ZNF727: variants seen among roughly 807,000 people sequenced by gnomAD.
ZNF727 encodes putative zinc finger protein 727.
A neutral mutation model predicts 11.5 loss-of-function variants in ZNF727; 11 were observed. The observed-to-expected ratio is 0.95, with a 90% CI of 0.60 to 1.58. The LOEUF is 1.58. ZNF727 is among the 40% of genes most tolerant of loss of function. ZNF727 has a pLI of 0.00. For missense variants in ZNF727, 533 were observed against 581.7 expected (o/e 0.92, Z 0.86); for synonymous variants, 171 against 196.1 (o/e 0.87, Z 1.07).
In ZNF727 at chr7:64,079,890, G is replaced by A. The variant is rs948763037; in HGVS notation, c.*1341G>A. ...CCTCAGCATTTGCTTATCTGAATAC[G>A]ATCATATTTATTTTTTGCTTCTGAA... On this transcript the variant is annotated 3_prime_UTR_variant, in exon 4 of 4. Coordinates refer to ENST00000456806, the MANE Select transcript of ZNF727 (RefSeq NM_001159522.3). 2.0e-5 allele frequency among the ~76,000 whole-genome samples: 3 copies of A among 152,104 alleles called. No individual in the cohort carries two copies. The highest frequency in any genetic ancestry group is 4.4e-5 in the Non-Finnish European group (3 of 68,024).
At chr7:64,063,511 A>G (rs1584147827) in intron 1 of ZNF727, among the ~76,000 whole-genome samples, 3 of 152,096 alleles carry the variant, frequency 2.0e-5, no homozygotes, top group East Asian at 3.9e-4. Context: ...AGCTGCCTGG[A>G]GCTGGAGTGG....
chr7:64,081,363 A>G lies in ZNF727; in HGVS notation c.*2814A>G, dbSNP rs1584160663. Among the ~76,000 whole-genome samples the G allele has an allele frequency of 1.3e-5, 2 of 151,928 alleles. No individual in the cohort carries two copies. The highest frequency in any genetic ancestry group is 2.4e-5 in the African/African-American group (1 of 41,360). Reference sequence around the variant, plus strand: ...CCAGGGTGGGGCTTTCTGGCTCTCTACCCGCCAAAGCTTCATCTACAATAG... The same window carrying G: ...CCAGGGTGGGGCTTTCTGGCTCTCTGCCCGCCAAAGCTTCATCTACAATAG... On this transcript the variant is annotated 3_prime_UTR_variant, in exon 4 of 4. Transcript: ENST00000456806.
At chr7:64,052,979 G>A (rs192270861) in intron 1 of ZNF727, among the ~76,000 whole-genome samples, 3 of 152,316 alleles carry the variant, frequency 2.0e-5, no homozygotes, top group South Asian at 4.1e-4. Context: ...TAACTAACTT[G>A]CTTTTTGATT....
intron 1 of ZNF727, among the ~76,000 whole-genome samples, chr7:64,046,016 A>T (rs1789498565): frequency 1.3e-5 from 2 of 151,794 alleles, no homozygotes; most frequent in Admixed American, 1.3e-4. Flanking sequence ...ATTGTGGCTT[A>T]TTTTATTTAT....
In ZNF727 at chr7:64,078,573, A is replaced by G. The variant is rs759031228; in HGVS notation, c.*24A>G. 5 of 1,553,156 alleles carry G rather than the reference A, an allele frequency of 3.2e-6. No individual in the cohort carries two copies. In the Admixed American group the frequency reaches 7.8e-5, roughly 24 times the overall value. On this transcript the variant is annotated 3_prime_UTR_variant, in exon 4 of 4. Coordinates refer to ENST00000456806, the MANE Select transcript of ZNF727 (RefSeq NM_001159522.3). ...AATTCATACTGGAGATAAACCTTAC[A>G]AATGTAATGAATGTGGAAAAGCTTT...
Position 64,078,783 on chromosome 7 carries a change from C to A in ZNF727, c.*234C>A, listed in dbSNP as rs1785736916. Among the ~76,000 whole-genome samples, 1 of 151,956 alleles carries A rather than the reference C, an allele frequency of 6.6e-6. No individual in the cohort carries two copies. Among genetic ancestry groups the A allele is most frequent in the African/African-American group, 2.4e-5 (1 of 41,390 alleles). On this transcript the variant is annotated 3_prime_UTR_variant, in exon 4 of 4. Transcript: ENST00000456806. ...CAAAACCTGTGTTTCTCAGACCTGA[C>A]TAATCAAAAGAGAATTCACCCTGGA...
At chr7:64,071,644 G>T (rs1226074070) in intron 3 of ZNF727, among the ~76,000 whole-genome samples, 1 of 151,904 alleles carries the variant, frequency 6.6e-6, no homozygotes, top group Non-Finnish European at 1.5e-5. Context: ...GTACTTTTCT[G>T]TTGTATCCCA....
chr7:64,054,370 C>A (rs1463766513), intron 1 of ZNF727, among the ~76,000 whole-genome samples: 1 of 152,216 alleles, frequency 6.6e-6, no homozygotes, highest in African/African-American at 2.4e-5. Flanking sequence ...CACACTGACA[C>A]AGCTCTTTAC....
At chr7:64,062,685 AATAT>A in intron 1 of ZNF727, among the ~76,000 whole-genome samples, 1 of 90,002 alleles carries the variant, frequency 1.1e-5, no homozygotes, top group African/African-American at 3.6e-5. Flanking sequence ...CTTGTACTTG[AATAT>A]ATATATATAT....
chr7:64,051,234 A>G (rs981405614), intron 1 of ZNF727, among the ~76,000 whole-genome samples: 5 of 152,194 alleles, frequency 3.3e-5, no homozygotes, highest in Non-Finnish European at 5.9e-5. Context: ...AAACCAACAC[A>G]TTCATGAGGC....
At chr7:64,058,870 G>A (rs1789726566) in intron 1 of ZNF727, among the ~76,000 whole-genome samples, 1 of 152,044 alleles carries the variant, frequency 6.6e-6, no homozygotes, top group Non-Finnish European at 1.5e-5. Flanking sequence ...AACGGCTGAA[G>A]TGCCCCATGG....
In ZNF727 at chr7:64,077,857, G is replaced by A; in HGVS notation, c.808G>A (p.Asp270Asn). ...TCACAAAGCCTTTAGGTGTTGCTCA[G>A]ACCTTACTAAACATAAGAGAATTCA... ...ECHKAFRCCS[D>N]LTKHKRIHTG... The change falls in exon 4 of 4, where the codon GAC becomes AAC. Residue 270 changes from aspartate to asparagine, a missense_variant. Asp to Asn is a conservative substitution (Grantham distance 23). Coordinates refer to ENST00000456806, the MANE Select transcript of ZNF727 (RefSeq NM_001159522.3). 1 of 1,567,564 alleles carries A rather than the reference G, an allele frequency of 6.4e-7. No individual in the cohort carries two copies. Among genetic ancestry groups the A allele is most frequent in the South Asian group, 1.2e-5 (1 of 85,746 alleles).
chr7:64,055,475 T>C (rs1789669618), intron 1 of ZNF727, among the ~76,000 whole-genome samples: 1 of 152,072 alleles, frequency 6.6e-6, no homozygotes, highest in East Asian at 1.9e-4. Flanking sequence ...TTTGCAACCA[T>C]AACCACCATT....
chr7:64,059,247 A>G (rs1293832054), intron 1 of ZNF727, among the ~76,000 whole-genome samples: 1 of 152,120 alleles, frequency 6.6e-6, no homozygotes, highest in Admixed American at 6.5e-5. Context: ...CTGGCTGGCT[A>G]TTGCATTGTC....
intron 1 of ZNF727, among the ~76,000 whole-genome samples, chr7:64,062,708 T>C (rs1390068051): frequency 2.8e-5 from 1 of 36,260 alleles, no homozygotes; most frequent in Admixed American, 2.9e-4. Context: ...ATATATGAAG[T>C]TCTCATTATC....
At chr7:64,066,496 C>T (rs1382561240) in intron 1 of ZNF727, among the ~76,000 whole-genome samples, 3 of 151,940 alleles carry the variant, frequency 2.0e-5, no homozygotes, top group Non-Finnish European at 4.4e-5. Context: ...GAAATAATAC[C>T]GCATATCTGC....
At chr7:64,063,334 G>C (rs950718554) in intron 1 of ZNF727, among the ~76,000 whole-genome samples, 2 of 152,128 alleles carry the variant, frequency 1.3e-5, no homozygotes, top group African/African-American at 4.8e-5. Context: ...ATCTGCATTA[G>C]GGGACACCCC....
At chr7:64,056,862 T>C (rs1480421109) in intron 1 of ZNF727, among the ~76,000 whole-genome samples, 1 of 152,080 alleles carries the variant, frequency 6.6e-6, no homozygotes, top group Admixed American at 6.5e-5. Flanking sequence ...TTCCCTTCTT[T>C]AGCTCCTTTT....
At chr7:64,045,731 C>A in intron 1 of ZNF727, 107 bp downstream of exon 1, 1 of 1,433,992 alleles carries the variant, frequency 7.0e-7, no homozygotes, top group Non-Finnish European at 9.5e-7. Context: ...TGCAGCAGCT[C>A]CGAGTCCCCG....
Sources: gnomAD v4.1 joint callset for allele counts (sites outside exome capture counted in the v4.1 genomes callset) on GRCh38, gnomAD v4.1.1 for gene constraint, MANE v1.5 for transcripts, NCBI Gene and HGNC (gene_info 2026-07-23, HGNC 2026-07-21) for gene names.